The following MAGI1 variants were observed in gnomAD, a reference collection of about 807,000 sequenced individuals.
MAGI1 encodes the protein membrane associated guanylate kinase, WW and PDZ domain containing 1.
A neutral mutation model predicts 139.9 loss-of-function variants in MAGI1; 58 were observed. The ratio of observed to expected loss-of-function variants is 0.41; its 90% confidence interval spans 0.34 to 0.52. The LOEUF is 0.52. Ranked by LOEUF, MAGI1 falls within the 20% of genes least tolerant of loss-of-function variation. MAGI1 has a pLI of 0.12. For missense variants in MAGI1, 1,874 were observed against 1,901.6 expected (o/e 0.99, Z 0.27); for synonymous variants, 812 against 737.9 (o/e 1.10, Z -1.63).
At chr3:65,777,600 C>CT (rs1189782069) in intron 1 of MAGI1, among the ~76,000 whole-genome samples, 20 of 145,728 alleles carry the variant, frequency 1.4e-4, no homozygotes, top group Admixed American at 1.2e-3. Context: ...GATTGTTGTG[C>CT]CACTGCACTC....
intron 1 of MAGI1, among the ~76,000 whole-genome samples, chr3:65,935,544 C>G (rs1297676589): frequency 2.6e-5 from 4 of 152,150 alleles, no homozygotes; most frequent in Non-Finnish European, 5.9e-5. Context: ...ATCGCTTGAG[C>G]CCAGGAGGTT....
chr3:65,876,532 A>G (rs1311996091), intron 1 of MAGI1, among the ~76,000 whole-genome samples: 2 of 152,282 alleles, frequency 1.3e-5, no homozygotes, highest in South Asian at 4.1e-4. Context: ...ACAATAGATA[A>G]TACCTAAAAT....
intron 1 of MAGI1, among the ~76,000 whole-genome samples, chr3:65,741,308 G>A (rs1191452344): frequency 1.3e-5 from 2 of 151,982 alleles, no homozygotes; most frequent in African/African-American, 4.8e-5. Context: ...CCAAGTAGCT[G>A]GGACTACAGA....
intron 12 of MAGI1, chr3:65,401,815 C>T: frequency 7.7e-7 from 1 of 1,304,328 alleles, no homozygotes. Flanking sequence ...ACTTAACTTA[C>T]AATTAAGTCC....
intron 1 of MAGI1, among the ~76,000 whole-genome samples, chr3:66,003,626 T>A (rs1310190986): frequency 1.3e-5 from 2 of 151,976 alleles, no homozygotes; most frequent in African/African-American, 2.4e-5. Flanking sequence ...CCCAGTTAAT[T>A]TTTGTATTTT....
At chr3:65,643,886 C>T (rs1346709454) in intron 1 of MAGI1, among the ~76,000 whole-genome samples, 1 of 152,136 alleles carries the variant, frequency 6.6e-6, no homozygotes, top group African/African-American at 2.4e-5. Flanking sequence ...AATCTCTGCT[C>T]CTCATTCTGG....
intron 1 of MAGI1, among the ~76,000 whole-genome samples, chr3:65,892,329 C>T (rs1056732006): frequency 7.2e-5 from 11 of 152,014 alleles, no homozygotes; most frequent in Admixed American, 4.6e-4. Context: ...TAGTTATGAT[C>T]GTCTATATTT....
chr3:65,755,699 G>A (rs1300736603), intron 1 of MAGI1, among the ~76,000 whole-genome samples: 1 of 152,116 alleles, frequency 6.6e-6, no homozygotes, highest in East Asian at 1.9e-4. Context: ...ATTTTCTCAT[G>A]TGAATAATGA....
At chr3:65,477,718 T>TTTTC (rs1950983353) in intron 4 of MAGI1, among the ~76,000 whole-genome samples, 1 of 144,990 alleles carries the variant, frequency 6.9e-6, no homozygotes, top group African/African-American at 2.5e-5. Flanking sequence ...ATTATTTTTT[T>TTTTC]TTTTTTATTT....
chr3:65,859,728 C>CAA lies in MAGI1; in HGVS notation c.313+178266_313+178267dup, dbSNP rs113269901. Reference sequence around the variant, plus strand: ...AGAGCAAGACTCCATCTCAAAAAAACAAAAAAAAAAAACTTTAAGGAAGCA... The same window carrying CAA: ...AGAGCAAGACTCCATCTCAAAAAAACAAAAAAAAAAAAAACTTTAAGGAAGCA... On this transcript the variant is annotated intron_variant, in intron 1 of 22. Transcript: ENST00000402939. Among the ~76,000 whole-genome samples the CAA allele has an allele frequency of 3.6e-5, 5 of 138,450 alleles. No homozygotes were observed. The East Asian group carries it at 6.5e-4, about 18-fold the overall frequency. The allele number at this position is 138,450 out of a possible 152,430, so 90.8% of individuals were successfully genotyped here. A position where few individuals can be genotyped will look rare whatever the true frequency, so the allele number is the denominator to read the frequency against.
At chr3:65,494,634 C>T (rs758155048) in intron 2 of MAGI1, among the ~76,000 whole-genome samples, 1 of 152,324 alleles carries the variant, frequency 6.6e-6, no homozygotes, top group Non-Finnish European at 1.5e-5. Flanking sequence ...TTAAGGTCAA[C>T]GTTTTCCTAT....
At chr3:65,442,904 G>A in intron 7 of MAGI1, 55 bp from the exon 8 acceptor site, 1 of 1,405,562 alleles carries the variant, frequency 7.1e-7, no homozygotes, top group Non-Finnish European at 1.0e-6. Context: ...AAGAGCCTGG[G>A]TGTTTTCAAC....
chr3:65,451,016 T>A (rs188462478), intron 6 of MAGI1, among the ~76,000 whole-genome samples: 32 of 152,328 alleles, frequency 2.1e-4, no homozygotes, highest in Admixed American at 1.1e-3. Flanking sequence ...ATAGAATTTC[T>A]ACTAGAAACA....
At chr3:65,460,996 C>G (rs1319923084) in intron 5 of MAGI1, among the ~76,000 whole-genome samples, 2 of 152,214 alleles carry the variant, frequency 1.3e-5, no homozygotes, top group African/African-American at 4.8e-5. Context: ...GTGAATAGGG[C>G]TGCAATAAAC....
rs1180962724 is a variant in MAGI1 at position 65,778,451 on chromosome 3, A to AAAAAAAAAAAG, written c.314-156364_314-156363insCTTTTTTTTTT. ...GTCTCAAAAAAAAAAAAAATAAATA[A>AAAAAAAAAAAG]ATAAGTCTTTTGAGAAATGCAGGAA... is the stretch of plus-strand genomic sequence containing the variant. On this transcript the variant is annotated intron_variant, in intron 1 of 22. Transcript: ENST00000402939. Among the ~76,000 whole-genome samples, 12 of 61,412 alleles carry AAAAAAAAAAAG rather than the reference A, an allele frequency of 2.0e-4. 1 individual carries two copies. Among genetic ancestry groups the AAAAAAAAAAAG allele is most frequent in the Non-Finnish European group, 2.2e-4 (6 of 26,736 alleles). 40.3% of individuals were successfully genotyped at this position (61,412 alleles called of 152,430 possible).
intron 7 of MAGI1, among the ~76,000 whole-genome samples, chr3:65,446,357 C>T (rs1948671103): frequency 6.6e-6 from 1 of 152,192 alleles, no homozygotes; most frequent in African/African-American, 2.4e-5. Flanking sequence ...TCTAAGTTTG[C>T]ATAGCCAGTA....
chr3:65,777,483 C>T (rs560874091), intron 1 of MAGI1, among the ~76,000 whole-genome samples: 11 of 151,722 alleles, frequency 7.3e-5, no homozygotes, highest in South Asian at 4.2e-4. Flanking sequence ...ACTTGAAAAC[C>T]GTGCTCATGG....
In MAGI1 at chr3:65,682,857, G is replaced by A. The variant is rs114250423; in HGVS notation, c.314-60769C>T. Among the ~76,000 whole-genome samples, 766 of 152,108 alleles carry A rather than the reference G, an allele frequency of 5.0e-3. 4 individuals carry two copies. The highest frequency in any genetic ancestry group is 0.017 in the African/African-American group (723 of 41,492). ...CAGTGAAAATACTGTGTATGACAGCGGTCCCCAAACTTTTTGGCACCAGGG... is the reference window on the plus strand; with the variant it reads ...CAGTGAAAATACTGTGTATGACAGCAGTCCCCAAACTTTTTGGCACCAGGG... On this transcript the variant is annotated intron_variant, in intron 1 of 22. Transcript: ENST00000402939.
At chr3:65,718,992 T>C (rs1206613564) in intron 1 of MAGI1, among the ~76,000 whole-genome samples, 11 of 140,770 alleles carry the variant, frequency 7.8e-5, no homozygotes, top group Non-Finnish European at 1.5e-4. Context: ...TTTCAGAACT[T>C]CTACCCAGTA....
Sources: gnomAD v4.1 joint callset for allele counts (sites outside exome capture counted in the v4.1 genomes callset) on GRCh38, gnomAD v4.1.1 for gene constraint, MANE v1.5 for transcripts, NCBI Gene and HGNC (gene_info 2026-07-23, HGNC 2026-07-21) for gene names.